The following PDGFRL variants were observed in gnomAD, a reference collection of about 807,000 sequenced individuals.
PDGFRL encodes platelet derived growth factor receptor like.
In PDGFRL, 46 loss-of-function variants were observed where a neutral mutation model predicts 37.2. That is an observed-to-expected ratio of 1.24 (90% CI 0.98 to 1.58). PDGFRL has a LOEUF of 1.58. Ranked by LOEUF, PDGFRL falls within the 40% of genes most tolerant of loss-of-function variation. The pLI, the probability that PDGFRL is intolerant of heterozygous loss-of-function variation, is 0.00. For missense variants in PDGFRL, 692 were observed against 467.6 expected (o/e 1.48, Z -4.43); for synonymous variants, 251 against 184.3 (o/e 1.36, Z -2.93).
intron 2 of PDGFRL, among the ~76,000 whole-genome samples, chr8:17,606,544 C>T (rs892323206): frequency 1.3e-5 from 2 of 152,198 alleles, no homozygotes; most frequent in African/African-American, 2.4e-5. Flanking sequence ...GAAGGTAGAG[C>T]GTTCTCTTTC....
intron 2 of PDGFRL, among the ~76,000 whole-genome samples, chr8:17,617,360 A>G (rs1208572685): frequency 6.6e-6 from 1 of 152,026 alleles, no homozygotes; most frequent in Non-Finnish European, 1.5e-5. Flanking sequence ...TGCTCCACTT[A>G]AACTCCCCAT....
intron 2 of PDGFRL, among the ~76,000 whole-genome samples, chr8:17,597,812 C>G (rs888754207): frequency 1.3e-5 from 2 of 152,038 alleles, no homozygotes; most frequent in Non-Finnish European, 2.9e-5. Context: ...AAGATGGTCT[C>G]TAAGGACCCA....
intron 1 of PDGFRL, among the ~76,000 whole-genome samples, chr8:17,586,043 C>T (rs952863846): frequency 2.6e-5 from 4 of 152,142 alleles, no homozygotes; most frequent in African/African-American, 4.8e-5. Context: ...CCTCCGTGTC[C>T]CAGGATCAAA....
intron 2 of PDGFRL, among the ~76,000 whole-genome samples, chr8:17,608,302 C>T (rs957653805): frequency 6.6e-6 from 1 of 152,196 alleles, no homozygotes; most frequent in African/African-American, 2.4e-5. Flanking sequence ...TCAGAAAGCA[C>T]CAGCTCACCC....
chr8:17,609,530 C>T (rs893820595), intron 2 of PDGFRL, among the ~76,000 whole-genome samples: 5 of 145,320 alleles, frequency 3.4e-5, no homozygotes, highest in Non-Finnish European at 7.5e-5. Flanking sequence ...CCTAGCTACT[C>T]AGGAGGCTAA....
rs768722739 is a variant in PDGFRL at position 17,577,221 on chromosome 8, G to C, written c.-32G>C. 2 of 1,605,486 alleles carry C rather than the reference G, an allele frequency of 1.2e-6. No homozygotes were observed. Among genetic ancestry groups the C allele is most frequent in the Non-Finnish European group, 8.5e-7 (1 of 1,176,544 alleles). On this transcript the variant is annotated 5_prime_UTR_variant, in exon 1 of 6. Transcript: ENST00000251630. ...CGTCCCCGCCCCGCGCAGCCGCCGC[G>C]CTCCTGCGCTCCGAGGTCCGAGGTT...
chr8:17,641,664 G>C (rs1307543245), intron 5 of PDGFRL, among the ~76,000 whole-genome samples: 1 of 152,150 alleles, frequency 6.6e-6, no homozygotes, highest in Non-Finnish European at 1.5e-5. Flanking sequence ...TGCATGTTCT[G>C]CTTGCTAAAA....
intron 1 of PDGFRL, among the ~76,000 whole-genome samples, chr8:17,580,660 A>G (rs2150806506): frequency 6.6e-6 from 1 of 152,312 alleles, no homozygotes; most frequent in Non-Finnish European, 1.5e-5. Flanking sequence ...AGAATCATGA[A>G]TCAGGGTCTA....
At position 17,589,625 on chromosome 8, in the gene PDGFRL, G is replaced by A; in HGVS notation, c.213G>A (p.Val71=). 1.2e-6 allele frequency: 2 copies of A among 1,614,062 alleles called. No homozygotes were observed. Among genetic ancestry groups the A allele is most frequent in the Non-Finnish European group, 1.7e-6 (2 of 1,179,976 alleles). ...APKTQSIMMQ[V]LDKGRFQKPA... ...AGACGCAGTCTATCATGATGCAAGT[G>A]CTGGATAAAGGTCGCTTCCAGAAAC... The change falls in exon 2 of 6, where the codon GTG becomes GTA. Residue 71 remains valine, a synonymous_variant. Transcript: ENST00000251630.
At chr8:17,627,721 C>T (rs540727949) in intron 3 of PDGFRL, among the ~76,000 whole-genome samples, 1 of 151,890 alleles carries the variant, frequency 6.6e-6, no homozygotes, top group East Asian at 1.9e-4. Flanking sequence ...GGAGATCCAC[C>T]CGCCTCGGCC....
At chr8:17,597,218 G>C (rs577805080) in intron 2 of PDGFRL, among the ~76,000 whole-genome samples, 2 of 152,190 alleles carry the variant, frequency 1.3e-5, no homozygotes, top group African/African-American at 4.8e-5. Context: ...ACTGGCTTTC[G>C]GTAAGTTGGC....
intron 1 of PDGFRL, among the ~76,000 whole-genome samples, chr8:17,585,692 C>A (rs955978313): frequency 2.6e-5 from 4 of 152,108 alleles, no homozygotes; most frequent in African/African-American, 7.2e-5. Flanking sequence ...GGAGAAAACC[C>A]AACAGCTCTA....
chr8:17,596,318 C>T (rs1804051248), intron 2 of PDGFRL: 2 of 1,229,142 alleles, frequency 1.6e-6, no homozygotes, highest in Non-Finnish European at 2.0e-6. Context: ...CTCACAGGCA[C>T]ATGGGCTGCA....
intron 2 of PDGFRL, among the ~76,000 whole-genome samples, chr8:17,609,692 C>T (rs1477091548): frequency 7.2e-6 from 1 of 138,994 alleles, no homozygotes; most frequent in East Asian, 2.2e-4. Context: ...CAGCATCAAA[C>T]CTCCCCCAAA....
At chr8:17,600,178 C>A (rs1401579600) in intron 2 of PDGFRL, among the ~76,000 whole-genome samples, 9 of 152,154 alleles carry the variant, frequency 5.9e-5, no homozygotes, top group Admixed American at 1.3e-4. Flanking sequence ...ACTCCACATG[C>A]ATTTTTTCAC....
intron 5 of PDGFRL, among the ~76,000 whole-genome samples, chr8:17,634,616 C>T (rs1804932456): frequency 6.6e-6 from 1 of 152,072 alleles, no homozygotes. Flanking sequence ...AGTACATATA[C>T]ACCAAAGAAT....
chr8:17,622,408 ACC>A (rs1804652783), intron 3 of PDGFRL, among the ~76,000 whole-genome samples: 2 of 63,430 alleles, frequency 3.2e-5, no homozygotes, highest in African/African-American at 1.3e-4. Context: ...TCAGACGTAG[ACC>A]TAGACATAGG....
chr8:17,641,896 T>TCCCCCCCCCCCCCCCCCCCCCTCCCACC (rs144394170), intron 5 of PDGFRL, among the ~76,000 whole-genome samples: 1 of 103,888 alleles, frequency 9.6e-6, no homozygotes, highest in African/African-American at 4.7e-5. Context: ...TCAATAGAGG[T>TCCCCCCCCCCCCCCCCCCCCCTCCCACC]CCCCGCCACA....
chr8:17,601,885 T>C (rs888445075), intron 2 of PDGFRL, among the ~76,000 whole-genome samples: 2 of 152,214 alleles, frequency 1.3e-5, no homozygotes, highest in African/African-American at 4.8e-5. Flanking sequence ...GGCATCTAGG[T>C]TGATTCCTTG....
Sources: allele counts gnomAD v4.1 joint callset (sites outside exome capture counted in the v4.1 genomes callset), GRCh38; gene constraint gnomAD v4.1.1; transcripts MANE v1.5; gene names NCBI Gene and HGNC (gene_info 2026-07-23, HGNC 2026-07-21).